The following DLGAP1 variants were observed in gnomAD, a reference collection of about 807,000 sequenced individuals.
DLGAP1 encodes DLG associated protein 1, also known as disks large-associated protein 1.
A neutral mutation model predicts 90.8 loss-of-function variants in DLGAP1; 11 were observed. The observed-to-expected ratio is 0.12, with a 90% confidence interval of 0.08 to 0.20. The LOEUF is 0.20. Ranked by LOEUF, DLGAP1 falls within the 10% of genes least tolerant of loss-of-function variation. DLGAP1 has a pLI of 1.00. For missense variants in DLGAP1, 1,050 were observed against 1,333.8 expected (o/e 0.79, Z 3.31); for synonymous variants, 558 against 540.7 (o/e 1.03, Z -0.44).
At chr18:4,412,656 T>G (rs1226418967) in intron 1 of DLGAP1, among the ~76,000 whole-genome samples, 1 of 152,132 alleles carries the variant, frequency 6.6e-6, no homozygotes, top group Non-Finnish European at 1.5e-5. Context: ...GATTTAACTC[T>G]TAAAAAGGAC....
chr18:3,654,996 A>G (rs983739622), intron 7 of DLGAP1, among the ~76,000 whole-genome samples: 8 of 147,996 alleles, frequency 5.4e-5, no homozygotes, highest in African/African-American at 2.1e-4. Flanking sequence ...TGGATTTGCC[A>G]GTCCCATGGG....
chr18:4,023,094 T>C (rs941957936), intron 2 of DLGAP1, among the ~76,000 whole-genome samples: 2 of 152,176 alleles, frequency 1.3e-5, no homozygotes, highest in Non-Finnish European at 2.9e-5. Flanking sequence ...TGCAACTTTT[T>C]AGTTTTTGTC....
chr18:3,635,257 A>C (rs1659450247), intron 7 of DLGAP1, among the ~76,000 whole-genome samples: 1 of 151,698 alleles, frequency 6.6e-6, no homozygotes, highest in East Asian at 1.9e-4. Flanking sequence ...CAGCCTCCCG[A>C]GTAGCTGGGA....
At chr18:4,069,513 C>T (rs1212557867) in intron 2 of DLGAP1, among the ~76,000 whole-genome samples, 2 of 152,196 alleles carry the variant, frequency 1.3e-5, no homozygotes, top group Admixed American at 1.3e-4. Context: ...GGCACCATCC[C>T]CCTTGGTATT....
intron 7 of DLGAP1, among the ~76,000 whole-genome samples, chr18:3,677,255 T>G (rs1301993392): frequency 5.9e-5 from 9 of 152,222 alleles, no homozygotes; most frequent in Admixed American, 5.9e-4. Flanking sequence ...AACTATCCCT[T>G]TATCCTACAC....
chr18:3,990,203 A>G (rs1230155513), intron 3 of DLGAP1, among the ~76,000 whole-genome samples: 1 of 152,184 alleles, frequency 6.6e-6, no homozygotes, highest in Admixed American at 6.5e-5. Context: ...TTGCGGCACT[A>G]TTCACAATAG....
chr18:4,041,577 A>G (rs906074998), intron 2 of DLGAP1, among the ~76,000 whole-genome samples: 8 of 152,234 alleles, frequency 5.3e-5, no homozygotes, highest in Non-Finnish European at 8.8e-5. Context: ...TCATATTAGC[A>G]TAATTATTAC....
chr18:4,177,253 G>A (rs1179564944), intron 1 of DLGAP1, among the ~76,000 whole-genome samples: 1 of 151,618 alleles, frequency 6.6e-6, no homozygotes, highest in Non-Finnish European at 1.5e-5. Context: ...GTGCAGAGTG[G>A]ATGGAATTCT....
chr18:3,562,013 G>A (rs987357931), intron 9 of DLGAP1, among the ~76,000 whole-genome samples: 1 of 149,582 alleles, frequency 6.7e-6, no homozygotes, highest in African/African-American at 2.6e-5. Context: ...AAGATCATAA[G>A]GTCAGGAGTT....
rs543333379 is a variant in DLGAP1 at position 3,724,996 on chromosome 18, A to G, written c.1591+4139T>C. 9.2e-5 allele frequency among the ~76,000 whole-genome samples: 14 copies of G among 152,152 alleles called. No individual in the cohort carries two copies. The South Asian group carries it at 2.9e-3, about 32-fold the overall frequency. On this transcript the variant is annotated intron_variant, in intron 7 of 12. Coordinates refer to ENST00000315677, the MANE Select transcript of DLGAP1 (RefSeq NM_004746.4). ...ACTTCTGTCAAGGAGCATTATTTCT[A>G]TTCAAATGTTATATTTGGCATTAAA...
At chr18:4,369,124 C>G (rs780022030) in intron 1 of DLGAP1, among the ~76,000 whole-genome samples, 77 of 152,272 alleles carry the variant, frequency 5.1e-4, no homozygotes, top group Middle Eastern at 6.8e-3. Flanking sequence ...GATGGAAGAG[C>G]CAGAAATAGA....
At chr18:4,142,365 G>T (rs1027258283) in intron 2 of DLGAP1, among the ~76,000 whole-genome samples, 7 of 152,140 alleles carry the variant, frequency 4.6e-5, no homozygotes, top group Admixed American at 4.6e-4. Context: ...TGAAGGCCTG[G>T]GTAGTCCAAT....
intron 3 of DLGAP1, among the ~76,000 whole-genome samples, chr18:3,883,097 AGC>A (rs1568278177): frequency 6.6e-6 from 1 of 152,174 alleles, no homozygotes; most frequent in Non-Finnish European, 1.5e-5. Context: ...TACAAAAATT[AGC>A]TGGGCATGGT....
At chr18:3,795,406 C>T (rs1474662768) in intron 5 of DLGAP1, among the ~76,000 whole-genome samples, 1 of 152,154 alleles carries the variant, frequency 6.6e-6, no homozygotes, top group Non-Finnish European at 1.5e-5. Flanking sequence ...ACCTCCGCCC[C>T]CTGGGTTCAA....
intron 1 of DLGAP1, among the ~76,000 whole-genome samples, chr18:4,284,780 T>A (rs1002790720): frequency 6.6e-6 from 1 of 152,146 alleles, no homozygotes; most frequent in South Asian, 2.1e-4. Context: ...TGGTCTATTG[T>A]ATGCATGGCT....
At chr18:4,209,118 G>A (rs1445540652) in intron 1 of DLGAP1, among the ~76,000 whole-genome samples, 3 of 152,126 alleles carry the variant, frequency 2.0e-5, no homozygotes, top group Non-Finnish European at 4.4e-5. Context: ...TGAGGGTGAG[G>A]CTCATGTGGG....
chr18:4,357,250 T>C (rs2081541227), intron 1 of DLGAP1, among the ~76,000 whole-genome samples: 1 of 146,000 alleles, frequency 6.8e-6, no homozygotes, highest in African/African-American at 2.5e-5. Flanking sequence ...ACCTCCTGGG[T>C]TCAAGTGATT....
intron 1 of DLGAP1, among the ~76,000 whole-genome samples, chr18:4,179,240 G>A (rs754651510): frequency 6.6e-6 from 1 of 152,070 alleles, no homozygotes; most frequent in Non-Finnish European, 1.5e-5. Flanking sequence ...ATGTCACCAC[G>A]TGATAAGTGA....
At chr18:4,306,017 C>G in intron 1 of DLGAP1, among the ~76,000 whole-genome samples, 1 of 99,968 alleles carries the variant, frequency 1.0e-5, no homozygotes, top group East Asian at 3.3e-4. Context: ...CACACACACA[C>G]ACAGACACAC....
Sources: allele counts gnomAD v4.1 joint callset (sites outside exome capture counted in the v4.1 genomes callset), GRCh38; gene constraint gnomAD v4.1.1; transcripts MANE v1.5; gene names NCBI Gene and HGNC (gene_info 2026-07-23, HGNC 2026-07-21).